Variants in SLURP2 observed in about 807,000 individuals in gnomAD.
SLURP2 encodes the protein secreted LY6/PLAUR domain containing 2.
Under a neutral mutation model 9.8 loss-of-function variants are expected in SLURP2, and 4 were observed. The observed-to-expected ratio is 0.41, with a 90% CI of 0.20 to 0.94. The LOEUF is 0.94. Ranked by LOEUF, SLURP2 falls within the 40% of genes least tolerant of loss-of-function variation. The pLI is 0.32. For missense variants in SLURP2, 118 were observed against 126.4 expected (o/e 0.93, Z 0.32); for synonymous variants, 58 against 56.2 (o/e 1.03, Z -0.15).
In SLURP2 at chr8:142,764,740, C is replaced by T; in HGVS notation, c.159G>A (p.Arg53=). 6.2e-7 allele frequency: 1 copy of T among 1,613,090 alleles called. No homozygotes were observed. The highest frequency in any genetic ancestry group is 1.3e-5 in the African/African-American group (1 of 74,964). Residue 53 remains arginine, a splice_region_variant and synonymous_variant, in exon 3 of 3, where the codon CGG becomes CGA. Coordinates refer to ENST00000317543, the MANE Select transcript of SLURP2 (RefSeq NM_177458.3). ...DSTHCVTTAT[R]VLSNTEDLPL... Reference sequence around the variant, plus strand: ...GCAAATCCTCGGTGTTGCTGAGGACCCCTGAGTGGGCAGGAGAGAAACCAT... The same window carrying T: ...GCAAATCCTCGGTGTTGCTGAGGACTCCTGAGTGGGCAGGAGAGAAACCAT...
rs1005087853 is a variant in SLURP2, at chr8:142,769,783, C to A, written c.24G>T (p.Leu8=). Residue 8 remains leucine (L), a synonymous_variant, in exon 1 of 3, where the codon CTG becomes CTT. Coordinates refer to ENST00000317543, the MANE Select transcript of SLURP2 (RefSeq NM_177458.3). MQLGTGL[L]LAAVLSLQLA... is the part of the protein sequence containing the mutation. ...GCTGCAGGCTCAGGACGGCGGCCAG[C>A]AGGAGCCCAGTGCCGAGCTGCATGT... The A allele has an allele frequency of 1.9e-6, 3 of 1,600,504 alleles. No homozygotes were observed. Among genetic ancestry groups the A allele is most frequent in the African/African-American group, 2.7e-5 (2 of 74,814 alleles).
intron 1 of SLURP2, among the ~76,000 whole-genome samples, chr8:142,767,406 C>T (rs1815038829): frequency 6.6e-6 from 1 of 152,248 alleles, no homozygotes; most frequent in Admixed American, 6.5e-5. Context: ...TCGGACACGC[C>T]TCTACTCAAC....
intron 2 of SLURP2, 93 bp downstream of exon 2, chr8:142,764,943 T>C: frequency 1.6e-6 from 2 of 1,215,062 alleles, no homozygotes; most frequent in South Asian, 1.3e-5. Context: ...TCTGACTTAC[T>C]GGGTGCCTGG....
rs753134216 is a variant in SLURP2 at position 142,764,686 on chromosome 8, G to T, written c.213C>A (p.Gly71=). 6 of 1,613,012 alleles carry T rather than the reference G, an allele frequency of 3.7e-6. No homozygotes were observed. The South Asian group carries it at 6.6e-5, about 18-fold the overall frequency. Residue 71 remains glycine, a synonymous_variant, in exon 3 of 3, where the codon GGC becomes GGA. Transcript: ENST00000317543. ...GGCCCAGGCTGGGGATATCGGGGCA[G>T]CCTATGTGGCACATCTTGGTGACCA... ...LPLVTKMCHI[G]CPDIPSLGLG...
At chr8:142,765,461 C>T (rs1374842378) in intron 1 of SLURP2, among the ~76,000 whole-genome samples, 1 of 150,978 alleles carries the variant, frequency 6.6e-6, no homozygotes, top group Non-Finnish European at 1.5e-5. Context: ...TATTTGGGGT[C>T]CCAGGGTGGG....
At chr8:142,765,831 C>T (rs1814987368) in intron 1 of SLURP2, among the ~76,000 whole-genome samples, 3 of 151,904 alleles carry the variant, frequency 2.0e-5, no homozygotes, top group South Asian at 2.1e-4. Context: ...GGCATGGTGG[C>T]GTGTGCCTGT....
In SLURP2 at chr8:142,765,823, C is replaced by T. The variant is rs587615317; in HGVS notation, c.53-683G>A. Among the ~76,000 whole-genome samples the T allele has an allele frequency of 3.9e-5, 6 of 152,150 alleles. No individual in the cohort carries two copies. In the East Asian group the frequency reaches 1.2e-3, roughly 29 times the overall value. ...TAAAAATATAAAAACATTAGCTGGG[C>T]ATGGTGGCGTGTGCCTGTAATCCCA... is the stretch of plus-strand genomic sequence containing the variant. On this transcript the variant is annotated intron_variant, in intron 1 of 2. Transcript: ENST00000317543.
chr8:142,764,883 T>C, intron 2 of SLURP2, 142 bp from the exon 3 acceptor site: 1 of 1,189,210 alleles, frequency 8.4e-7, no homozygotes, highest in Non-Finnish European at 1.2e-6. Flanking sequence ...ACGTGGCCCT[T>C]TGCTCATACC....
Position 142,764,366 on chromosome 8 carries a change from T to C in SLURP2, c.*239A>G, listed in dbSNP as rs966728818. The C allele has an allele frequency of 1.6e-5, 10 of 637,908 alleles. No homozygotes were observed. Among genetic ancestry groups the C allele is most frequent in the African/African-American group, 5.5e-5 (3 of 54,106 alleles). The allele number at this position is 637,908 out of a possible 1,614,324, so 39.5% of individuals were successfully genotyped here. ...TACCACACGATCCAATCACATTTTA[T>C]TGTGGGGAGGTCGGGACCTGAAGGG... On this transcript the variant is annotated 3_prime_UTR_variant, in exon 3 of 3. Transcript: ENST00000317543.
intron 1 of SLURP2, among the ~76,000 whole-genome samples, chr8:142,767,579 C>A (rs1815044562): frequency 6.6e-6 from 1 of 152,216 alleles, no homozygotes; most frequent in African/African-American, 2.4e-5. Context: ...CTCCCAAGGC[C>A]TCCCTGGCTT....
In SLURP2 at chr8:142,768,805, CCCTGGGG is replaced by C. The variant is rs1237200129; in HGVS notation, c.52+943_52+949del. 6.6e-6 allele frequency among the ~76,000 whole-genome samples: 1 copy of C among 152,108 alleles called. No homozygotes were observed. Among genetic ancestry groups the C allele is most frequent in the Non-Finnish European group, 1.5e-5 (1 of 68,004 alleles). On this transcript the variant is annotated intron_variant, in intron 1 of 2. Transcript: ENST00000317543. This position sits in a 1 kb window ranked among gnomAD's most constrained non-coding sequence, Gnocchi z 4.8. ...AGCCTCTCATAGGCCAGGAGGGTGC[CCCTGGGG>C]ATGGAGACTGGAGGGATGTAAGAGA...
chr8:142,767,323 C>G (rs980069482), intron 1 of SLURP2, among the ~76,000 whole-genome samples: 5 of 152,260 alleles, frequency 3.3e-5, no homozygotes, highest in African/African-American at 1.2e-4. Context: ...CTCCAAGCCC[C>G]TCTCTGCCTT....
Position 142,767,900 on chromosome 8 carries a change from AAATGAATGAATG to A in SLURP2, c.52+1843_52+1854del, listed in dbSNP as rs60268524. Among the ~76,000 whole-genome samples, 40 of 140,746 alleles carry A rather than the reference AAATGAATGAATG, an allele frequency of 2.8e-4. 1 individual carries two copies. The East Asian group carries it at 4.7e-3, about 16-fold the overall frequency. The allele number at this position is 140,746 out of a possible 152,430, so 92.3% of individuals were successfully genotyped here. On this transcript the variant is annotated intron_variant, in intron 1 of 2. Coordinates refer to ENST00000317543, the MANE Select transcript of SLURP2 (RefSeq NM_177458.3). ...GGAGAGGCTTGCAGAATGAATGAATAAATGAATGAATGAATGAATGAATGAATGAATGAATTC... is the reference window on the plus strand; with the variant it reads ...GGAGAGGCTTGCAGAATGAATGAATAAATGAATGAATGAATGAATGAATTC...
At chr8:142,766,076 C>T (rs1259967168) in intron 1 of SLURP2, 8 of 152,168 alleles carry the variant, frequency 5.3e-5, no homozygotes, top group Admixed American at 5.2e-4. Context: ...AACTAGAGTC[C>T]TTTAATAATT....
In SLURP2 at chr8:142,765,089, G is replaced by C. The variant is rs1416737193; in HGVS notation, c.104C>G (p.Ser35Cys). 6.2e-7 allele frequency: 1 copy of C among 1,612,730 alleles called. No individual in the cohort carries two copies. The highest frequency in any genetic ancestry group is 8.5e-7 in the Non-Finnish European group (1 of 1,179,848). Reference sequence around the variant, plus strand: ...GTCCCTCAGGCATCTGGATCCATGGGAGCACCCTCCGAAGCCCGTGCACTG... The same window carrying C: ...GTCCCTCAGGCATCTGGATCCATGGCAGCACCCTCCGAAGCCCGTGCACTG... Reference protein sequence around the residue: ...CHQCTGFGGCSHGSRCLRDST... With the variant: ...CHQCTGFGGCCHGSRCLRDST... Residue 35 changes from serine to cysteine, a missense_variant, in exon 2 of 3, where the codon TCC becomes TGC. Transcript: ENST00000317543.
At position 142,764,625 on chromosome 8, in the gene SLURP2, T is replaced by C. The variant is rs1814939455; in HGVS notation, c.274A>G (p.Ser92Gly). 6.2e-7 allele frequency: 1 copy of C among 1,606,934 alleles called. No individual in the cohort carries two copies. The highest frequency in any genetic ancestry group is 2.2e-5 in the East Asian group (1 of 44,790). Residue 92 changes from serine to glycine, a missense_variant, in exon 3 of 3, where the codon AGC (serine) becomes GGC (glycine). Coordinates refer to ENST00000317543, the MANE Select transcript of SLURP2 (RefSeq NM_177458.3). ...AGCCGTCAGTCATGGTTGCAGAGGCTGGTCTGGCAGCAAGCGATGGATACG... is the reference window on the plus strand; with the variant it reads ...AGCCGTCAGTCATGGTTGCAGAGGCCGGTCTGGCAGCAAGCGATGGATACG... ...PYVSIACCQT[S>G]LCNHD
In SLURP2 at chr8:142,765,113, T is replaced by C. The variant is rs1563832840; in HGVS notation, c.80A>G (p.Gln27Arg). 9.9e-6 allele frequency: 16 copies of C among 1,612,144 alleles called. No homozygotes were observed. The highest frequency in any genetic ancestry group is 1.3e-5 in the African/African-American group (1 of 75,050). Residue 27 changes from glutamine to arginine, a missense_variant, in exon 2 of 3, where the codon CAG becomes CGG. Physicochemically the swap from Gln to Arg is conservative, Grantham distance 43. Transcript: ENST00000317543. ...GGAGCACCCTCCGAAGCCCGTGCAC[T>C]GGTGACACCATATGGCTTCGGCTGC... The part of the protein sequence containing the change: ...LAAAEAIWCH[Q>R]CTGFGGCSHG...
intron 1 of SLURP2, among the ~76,000 whole-genome samples, chr8:142,765,820 G>A (rs1469075246): frequency 6.6e-6 from 1 of 152,046 alleles, no homozygotes; most frequent in Non-Finnish European, 1.5e-5. Flanking sequence ...AACATTAGCT[G>A]GGCATGGTGG....
chr8:142,769,726 C>G, intron 1 of SLURP2, 29 bp downstream of exon 1: 1 of 1,591,744 alleles, frequency 6.3e-7, no homozygotes, highest in East Asian at 2.3e-5. Flanking sequence ...GGGCCTTGAG[C>G]AGGAGGTGGC....
Sources: gnomAD v4.1 joint callset for allele counts (sites outside exome capture counted in the v4.1 genomes callset) on GRCh38, gnomAD v4.1.1 for gene constraint, Gnocchi (gnomAD v3.1) non-coding constraint, MANE v1.5 for transcripts, NCBI Gene and HGNC (gene_info 2026-07-23, HGNC 2026-07-21) for gene names.